Variants in ATP8A2 observed in about 807,000 individuals in gnomAD.
The protein encoded by ATP8A2 is phospholipid-transporting ATPase IB.
In ATP8A2, 100 loss-of-function variants were observed where a neutral mutation model predicts 165.6. That is an observed-to-expected ratio of 0.60 (90% confidence interval 0.51 to 0.71). The LOEUF (loss-of-function observed/expected upper bound fraction) is 0.71. ATP8A2 is among the 30% of genes least tolerant of loss of function. The pLI is 0.00. For synonymous variants in ATP8A2, 543 were observed against 548.8 expected (o/e 0.99, Z 0.15); for missense variants, 1,227 against 1,479.5 (o/e 0.83, Z 2.80).
chr13:25,500,897 AC>A (rs2036834427), intron 2 of ATP8A2, among the ~76,000 whole-genome samples: 1 of 151,964 alleles, frequency 6.6e-6, no homozygotes. Flanking sequence ...TTAAGTTAAA[AC>A]TTTTTTGTGT....
intron 33 of ATP8A2, among the ~76,000 whole-genome samples, chr13:25,902,339 G>C (rs1283710891): frequency 6.6e-6 from 1 of 152,018 alleles, no homozygotes; most frequent in African/African-American, 2.4e-5. Context: ...CAAAGCCTTG[G>C]GAAACACTGG....
At chr13:25,815,619 A>T (rs1021742134) in intron 27 of ATP8A2, among the ~76,000 whole-genome samples, 1 of 152,224 alleles carries the variant, frequency 6.6e-6, no homozygotes, top group African/African-American at 2.4e-5. Flanking sequence ...CTTGAAAGAT[A>T]GTATTGCTGT....
intron 30 of ATP8A2, among the ~76,000 whole-genome samples, chr13:25,848,043 C>T (rs1282417050): frequency 2.6e-5 from 4 of 152,234 alleles, no homozygotes; most frequent in Non-Finnish European, 5.9e-5. Flanking sequence ...TCACCTGTTC[C>T]TCCCTGTAAG....
intron 36 of ATP8A2, among the ~76,000 whole-genome samples, chr13:26,013,563 A>G (rs1430692981): frequency 6.6e-6 from 1 of 152,130 alleles, no homozygotes; most frequent in Non-Finnish European, 1.5e-5. Flanking sequence ...AATCCCAGCT[A>G]CTTGGGAGGC....
Position 25,540,376 on chromosome 13 carries a change from T to C in ATP8A2, c.639T>C (p.Leu213=). The C allele has an allele frequency of 1.2e-6, 2 of 1,612,798 alleles. No homozygotes were observed. Among genetic ancestry groups the C allele is most frequent in the Non-Finnish European group, 1.7e-6 (2 of 1,178,774 alleles). Residue 213 remains leucine, a synonymous_variant, in exon 8 of 37, where the codon CTT becomes CTC. Coordinates refer to ENST00000381655, the MANE Select transcript of ATP8A2 (RefSeq NM_016529.6). ...ETANLDGETN[L]KIRQGLSHTA... ...CTAATCTGGATGGGGAGACGAACCT[T>C]AAAATACGTCAGGTAAAGTCACCTC...
At chr13:25,797,500 C>T (rs1717061251) in intron 27 of ATP8A2, among the ~76,000 whole-genome samples, 1 of 151,922 alleles carries the variant, frequency 6.6e-6, no homozygotes, top group Non-Finnish European at 1.5e-5. Flanking sequence ...GGTTATAGTA[C>T]GTTCTTAAGA....
intron 2 of ATP8A2, among the ~76,000 whole-genome samples, chr13:25,513,331 C>A (rs924864451): frequency 1.1e-4 from 17 of 151,018 alleles, no homozygotes; most frequent in African/African-American, 3.9e-4. Context: ...GGCGGTGGGG[C>A]AGAGGCGCTC....
intron 27 of ATP8A2, among the ~76,000 whole-genome samples, chr13:25,778,109 C>T (rs551099473): frequency 6.6e-6 from 1 of 152,230 alleles, no homozygotes; most frequent in Non-Finnish European, 1.5e-5. Flanking sequence ...AGGGGGGTTT[C>T]CTGCAATCTA....
rs7987794 is a variant in ATP8A2 at position 25,381,373 on chromosome 13, T to C, written c.76+9085T>C. Among the ~76,000 whole-genome samples, 733 of 152,280 alleles carry C rather than the reference T, an allele frequency of 4.8e-3. 6 individuals are homozygous for C. The highest frequency in any genetic ancestry group is 0.017 in the African/African-American group (709 of 41,542). On this transcript the variant is annotated intron_variant, in intron 1 of 36. Coordinates refer to ENST00000381655, the MANE Select transcript of ATP8A2 (RefSeq NM_016529.6). ...ATATTACTTTCTCAAATAAGCATGT[T>C]GGAAAAATGGAGGAAGTAAATACAA...
At chr13:25,483,672 A>G (rs2036271872) in intron 2 of ATP8A2, among the ~76,000 whole-genome samples, 2 of 152,214 alleles carry the variant, frequency 1.3e-5, no homozygotes, top group African/African-American at 4.8e-5. Flanking sequence ...AGGCCAAGGC[A>G]GGAAGATTGT....
At chr13:25,494,369 G>A (rs1486141110) in intron 2 of ATP8A2, among the ~76,000 whole-genome samples, 1 of 152,118 alleles carries the variant, frequency 6.6e-6, no homozygotes, top group Admixed American at 6.5e-5. Context: ...TGGAGGGATC[G>A]CTTTGACCTT....
intron 1 of ATP8A2, among the ~76,000 whole-genome samples, chr13:25,376,873 C>A (rs2032645992): frequency 6.6e-6 from 1 of 152,164 alleles, no homozygotes; most frequent in Non-Finnish European, 1.5e-5. Flanking sequence ...TAAATGATTG[C>A]AGAAATAAGC....
At chr13:25,977,108 G>A (rs67706072) in intron 35 of ATP8A2, among the ~76,000 whole-genome samples, 8,115 of 143,530 alleles carry the variant, frequency 0.057, 285 homozygotes, top group African/African-American at 0.094. Context: ...GTGCCCAGCC[G>A]CAGCTCACAT....
intron 7 of ATP8A2, among the ~76,000 whole-genome samples, chr13:25,539,882 C>T (rs561306652): frequency 1.3e-5 from 2 of 152,320 alleles, no homozygotes; most frequent in South Asian, 2.1e-4. Flanking sequence ...GTGCCTCGAT[C>T]CTTCAACTCC....
At chr13:25,812,096 C>T (rs217888) in intron 27 of ATP8A2, among the ~76,000 whole-genome samples, 150,792 of 152,128 alleles carry the variant, frequency 0.99, 74,746 homozygotes, top group East Asian at 1. Flanking sequence ...CTTTAAATTA[C>T]GTAAATAATG....
intron 1 of ATP8A2, among the ~76,000 whole-genome samples, chr13:25,407,346 T>C (rs191111366): frequency 8.7e-4 from 133 of 152,296 alleles, no homozygotes; most frequent in Admixed American, 2.4e-3. Context: ...TTGCTCCCTA[T>C]GAAGACCCTT....
At chr13:25,374,522 A>C (rs1436507632) in intron 1 of ATP8A2, among the ~76,000 whole-genome samples, 2 of 152,190 alleles carry the variant, frequency 1.3e-5, no homozygotes, top group African/African-American at 4.8e-5. Flanking sequence ...TGACGGCATG[A>C]ACATCAACGC....
At chr13:25,613,134 T>G (rs185814859) in intron 24 of ATP8A2, among the ~76,000 whole-genome samples, 80 of 152,316 alleles carry the variant, frequency 5.3e-4, no homozygotes, top group African/African-American at 1.8e-3. Context: ...ACGTTAGCAT[T>G]GAGATGTAAG....
intron 27 of ATP8A2, among the ~76,000 whole-genome samples, chr13:25,796,919 AT>A (rs756986854): frequency 9.2e-5 from 14 of 152,160 alleles, no homozygotes; most frequent in African/African-American, 2.7e-4. Flanking sequence ...AATATCTAGT[AT>A]TTGATAGCAC....
Sources: allele counts gnomAD v4.1 joint callset (sites outside exome capture counted in the v4.1 genomes callset), GRCh38; gene constraint gnomAD v4.1.1; transcripts MANE v1.5; gene names NCBI Gene and HGNC (gene_info 2026-07-23, HGNC 2026-07-21).